Variants in HEPHL1 observed in about 807,000 individuals in gnomAD.
HEPHL1 encodes the protein hephaestin like 1.
A neutral mutation model predicts 122.0 loss-of-function variants in HEPHL1; 123 were observed. That is an observed-to-expected ratio of 1.01 (90% confidence interval 0.87 to 1.17). HEPHL1 has a LOEUF of 1.17. Ranked by LOEUF, HEPHL1 falls within the 50% of genes most tolerant of loss-of-function variation. The probability of loss-of-function intolerance (pLI) is 0.00; values close to 1 mark genes in which losing one functional copy is unlikely to be tolerated. For missense variants in HEPHL1, 1,452 were observed against 1,430.5 expected, an observed-to-expected ratio of 1.01 and a Z score of -0.24; for synonymous variants, 527 against 508.9, an observed-to-expected ratio of 1.04 and a Z score of -0.48.
chr11:94,053,131 A>G (rs1945905977), intron 2 of HEPHL1, among the ~76,000 whole-genome samples: 1 of 152,056 alleles, frequency 6.6e-6, no homozygotes, highest in Non-Finnish European at 1.5e-5. Flanking sequence ...TTAGTTACTA[A>G]TTCAATTTCT....
intron 9 of HEPHL1, among the ~76,000 whole-genome samples, chr11:94,078,172 C>T (rs1946141332): frequency 1.3e-5 from 2 of 152,002 alleles, no homozygotes; most frequent in African/African-American, 4.8e-5. Context: ...GTACTCTTAT[C>T]CCCAAGGTTA....
rs140716769 is a variant in HEPHL1 at position 94,079,519 on chromosome 11, T to C, written c.1717-2899T>C. On this transcript the variant is annotated intron_variant, in intron 9 of 19. Coordinates refer to ENST00000315765, the MANE Select transcript of HEPHL1 (RefSeq NM_001098672.2). ...GTAGGCGCAAGGAGTACTCACCTCG[T>C]TGATGAGGAGTTAGGAAAGCATCAC... Among the ~76,000 whole-genome samples the C allele has an allele frequency of 2.4e-4, 36 of 152,266 alleles. No homozygotes were observed. In the East Asian group the frequency reaches 4.6e-3, roughly 20 times the overall value.
At chr11:94,043,342 G>C (rs1183718733) in intron 1 of HEPHL1, among the ~76,000 whole-genome samples, 1 of 152,076 alleles carries the variant, frequency 6.6e-6, no homozygotes, top group African/African-American at 2.4e-5. Context: ...ACAAGAAAGA[G>C]ATCCTTCACA....
chr11:94,081,787 AT>A (rs1380115042), intron 9 of HEPHL1, among the ~76,000 whole-genome samples: 20 of 152,342 alleles, frequency 1.3e-4, no homozygotes, highest in Non-Finnish European at 2.2e-4. Context: ...GTTAAAAAAA[AT>A]AACTTCATAA....
intron 1 of HEPHL1, among the ~76,000 whole-genome samples, chr11:94,037,530 G>GCAGA (rs1313607842): frequency 3.3e-5 from 5 of 152,132 alleles, no homozygotes; most frequent in African/African-American, 1.2e-4. Context: ...CTGAGAACGG[G>GCAGA]CAGACTGCCT....
At chr11:94,109,763 A>G (rs184844427) in intron 17 of HEPHL1, among the ~76,000 whole-genome samples, 9 of 152,276 alleles carry the variant, frequency 5.9e-5, no homozygotes, top group Non-Finnish European at 1.3e-4. Flanking sequence ...GATGGTATCT[A>G]TGTTCATGAG....
intron 11 of HEPHL1, among the ~76,000 whole-genome samples, chr11:94,087,335 A>G (rs1380772569): frequency 2.0e-5 from 3 of 152,170 alleles, no homozygotes; most frequent in Non-Finnish European, 4.4e-5. Flanking sequence ...TACTTATTCT[A>G]GTGCTTTGAT....
chr11:94,054,256 A>G (rs536529539), intron 2 of HEPHL1, among the ~76,000 whole-genome samples: 1 of 152,350 alleles, frequency 6.6e-6, no homozygotes, highest in South Asian at 2.1e-4. Flanking sequence ...GAAGGATTCA[A>G]TACTTCAAGT....
At position 94,090,109 on chromosome 11, in the gene HEPHL1, CT is replaced by C. The variant is rs148484314; in HGVS notation, c.2294+1151del. ...TTATAATGGTTCTACCTTCTGGATA[CT>C]TTTTTTTTTAAGATTTCCCTTAAGA... On this transcript the variant is annotated intron_variant, in intron 12 of 19. Transcript: ENST00000315765. Among the ~76,000 whole-genome samples the C allele has an allele frequency of 2.7e-3, 401 of 148,748 alleles. 1 individual carries two copies. Among genetic ancestry groups the C allele is most frequent in the African/African-American group, 9.6e-3 (389 of 40,662 alleles).
chr11:94,082,207 C>T (rs1299722032), intron 9 of HEPHL1, among the ~76,000 whole-genome samples: 3 of 152,128 alleles, frequency 2.0e-5, no homozygotes, highest in African/African-American at 4.8e-5. Context: ...CCTTGGAGGA[C>T]GGATGTAACA....
In HEPHL1 at chr11:94,063,789, A is replaced by G. The variant is rs1238626455; in HGVS notation, c.628+69A>G. 3 of 1,325,140 alleles carry G rather than the reference A, an allele frequency of 2.3e-6. No individual in the cohort carries two copies. In the Admixed American group the frequency reaches 5.1e-5, roughly 22 times the overall value. The allele number at this position is 1,325,140 out of a possible 1,614,324, so 82.1% of individuals were successfully genotyped here. A position where few individuals can be genotyped will look rare whatever the true frequency, so the allele number is the denominator to read the frequency against. On this transcript the variant is annotated intron_variant, in intron 3 of 19. Transcript: ENST00000315765. ...ATAAGATTCAGGTCTTATTTTGCCT[A>G]CCTCCTTTGCTCCACACAGAATGTG...
At position 94,089,103 on chromosome 11, in the gene HEPHL1, C is replaced by T. The variant is rs1946243489; in HGVS notation, c.2294+135C>T. On this transcript the variant is annotated intron_variant, in intron 12 of 19. Coordinates refer to ENST00000315765, the MANE Select transcript of HEPHL1 (RefSeq NM_001098672.2). ...GCCGACAGAGACTTTTACTTATGTG[C>T]ACAGATTAGGGAAGCTGCCCACCTC... The T allele has an allele frequency of 8.4e-6, 7 of 831,076 alleles. No homozygotes were observed. The South Asian group carries it at 1.2e-4, about 14-fold the overall frequency. The allele number at this position is 831,076 out of a possible 1,614,324, so 51.5% of individuals were successfully genotyped here.
intron 5 of HEPHL1, among the ~76,000 whole-genome samples, chr11:94,068,305 C>T (rs192964998): frequency 2.6e-4 from 39 of 152,292 alleles, no homozygotes; most frequent in African/African-American, 8.7e-4. Context: ...AATCCCCCCT[C>T]GAATTATTTA....
At chr11:94,066,568 AG>A (rs891457182) in intron 4 of HEPHL1, among the ~76,000 whole-genome samples, 1 of 152,062 alleles carries the variant, frequency 6.6e-6, no homozygotes, top group African/African-American at 2.4e-5. Context: ...AAGAAAAAAA[AG>A]AGAGAGAGAC....
Position 94,082,560 on chromosome 11 carries a change from G to T in HEPHL1, c.1859G>T (p.Arg620Leu). 6.2e-7 allele frequency: 1 copy of T among 1,608,520 alleles called. No individual in the cohort carries two copies. The highest frequency in any genetic ancestry group is 8.5e-7 in the Non-Finnish European group (1 of 1,177,700). Residue 620 changes from arginine to leucine, a missense_variant, in exon 10 of 20, where the codon CGA becomes CTA. Physicochemically the swap from Arg to Leu is moderately radical, Grantham distance 102. Transcript: ENST00000315765. Reference protein sequence around the residue: ...KEDKEFVKSNRMHAVNGYMYG... With the variant: ...KEDKEFVKSNLMHAVNGYMYG... ...GATAAAGAGTTTGTGAAATCCAACC[G>T]AATGCATGGTATGACAAATGACATT...
chr11:94,103,527 A>C (rs938799479), intron 15 of HEPHL1, among the ~76,000 whole-genome samples: 1 of 152,180 alleles, frequency 6.6e-6, no homozygotes, highest in African/African-American at 2.4e-5. Flanking sequence ...AGGAGAAGAA[A>C]GTTCACTCTA....
At position 94,112,204 on chromosome 11, in the gene HEPHL1, T is replaced by G. The variant is rs542275551; in HGVS notation, c.*310T>G. 93 of 213,682 alleles carry G rather than the reference T, an allele frequency of 4.4e-4. No individual in the cohort carries two copies. The highest frequency in any genetic ancestry group is 7.6e-4 in the Non-Finnish European group (83 of 109,080). The allele number at this position is 213,682 out of a possible 1,614,324, so 13.2% of individuals were successfully genotyped here. ...AGACACTCTGAAAGATATCTTTATA[T>G]TCCATCTTTTATAATTCTTGAACAG... On this transcript the variant is annotated 3_prime_UTR_variant, in exon 20 of 20. Coordinates refer to ENST00000315765, the MANE Select transcript of HEPHL1 (RefSeq NM_001098672.2).
chr11:94,056,148 G>A (rs375799655), intron 2 of HEPHL1, among the ~76,000 whole-genome samples: 1 of 152,038 alleles, frequency 6.6e-6, no homozygotes, highest in South Asian at 2.1e-4. Flanking sequence ...GTCTCTAATA[G>A]CATTTCTTGT....
intron 3 of HEPHL1, 151 bp from the exon 4 acceptor site, chr11:94,064,180 C>G (rs1031361969): frequency 1.8e-6 from 1 of 569,998 alleles, no homozygotes. Context: ...TCTGTCATCT[C>G]CATTAAAGCC....
Sources: gnomAD v4.1 joint callset for allele counts (sites outside exome capture counted in the v4.1 genomes callset) on GRCh38, gnomAD v4.1.1 for gene constraint, MANE v1.5 for transcripts, NCBI Gene and HGNC (gene_info 2026-07-23, HGNC 2026-07-21) for gene names.